CNIH3: variants seen among roughly 807,000 people sequenced by gnomAD.
CNIH3 encodes cornichon family AMPA receptor auxiliary protein 3, also known as protein cornichon homolog 3.
CNIH3 carries 14 observed loss-of-function variants against 24.1 expected under a neutral mutation model. That is an observed-to-expected ratio of 0.58 (90% CI 0.38 to 0.91). The LOEUF (loss-of-function observed/expected upper bound fraction) is 0.91, where lower values mean the gene tolerates loss of function less well. Among genes scored for constraint, CNIH3 ranks in the 40% least tolerant of loss-of-function variants. The pLI is 0.00. For synonymous variants in CNIH3, 68 were observed against 73.8 expected (o/e 0.92, Z 0.40); for missense variants, 178 against 196.8 (o/e 0.90, Z 0.57).
intron 3 of CNIH3, among the ~76,000 whole-genome samples, chr1:224,700,809 G>A (rs973964089): frequency 1.3e-5 from 2 of 152,184 alleles, no homozygotes; most frequent in East Asian, 3.9e-4. Flanking sequence ...AACACATGTT[G>A]GACAGGGCAT....
chr1:224,648,604 G>C lies in CNIH3; in HGVS notation c.81+31349G>C, dbSNP rs370497988. Reference sequence around the variant, plus strand: ...CATTTAGGAGCAAAGCACACTGTTTGGGCTTGGGGAGTTTGCATATTGAGG... The same window carrying C: ...CATTTAGGAGCAAAGCACACTGTTTCGGCTTGGGGAGTTTGCATATTGAGG... On this transcript the variant is annotated intron_variant, in intron 1 of 5. Transcript: ENST00000272133. Among the ~76,000 whole-genome samples, 3 of 152,088 alleles carry C rather than the reference G, an allele frequency of 2.0e-5. No individual in the cohort carries two copies. In the South Asian group the frequency reaches 6.2e-4, roughly 32 times the overall value.
intron 2 of CNIH3, among the ~76,000 whole-genome samples, chr1:224,531,085 A>G (rs902171598): frequency 2.0e-5 from 3 of 152,148 alleles, no homozygotes; most frequent in Non-Finnish European, 2.9e-5. Flanking sequence ...TCTTCCTATC[A>G]TGTTGATTTG....
intron 1 of CNIH3, among the ~76,000 whole-genome samples, chr1:224,488,247 C>T (rs1235939859): frequency 1.3e-5 from 2 of 152,016 alleles, no homozygotes; most frequent in Non-Finnish European, 2.9e-5. Context: ...TTGGCTACCC[C>T]ATTCTATTTC....
chr1:224,634,319 C>T (rs1683973844), intron 1 of CNIH3, among the ~76,000 whole-genome samples: 2 of 152,188 alleles, frequency 1.3e-5, no homozygotes, highest in Non-Finnish European at 2.9e-5. Context: ...CGTGGTGGCT[C>T]ACGCACTTTG....
chr1:224,543,171 C>A (rs755067724), intron 2 of CNIH3, among the ~76,000 whole-genome samples: 2 of 152,048 alleles, frequency 1.3e-5, no homozygotes. Context: ...GCCTGGGTAA[C>A]GAAATTCTAA....
intron 1 of CNIH3, among the ~76,000 whole-genome samples, chr1:224,627,792 G>A (rs1164101338): frequency 9.9e-5 from 15 of 152,188 alleles, no homozygotes; most frequent in Admixed American, 9.2e-4. Context: ...AGAGGGAATG[G>A]CTTCTCTCTC....
intron 1 of CNIH3, among the ~76,000 whole-genome samples, chr1:224,457,511 ATTTT>A (rs943521801): frequency 2.7e-5 from 3 of 111,214 alleles, no homozygotes; most frequent in Non-Finnish European, 3.6e-5. Flanking sequence ...TGGTCTGGGG[ATTTT>A]TTTTTTTTTT....
chr1:224,668,662 A>G (rs1162047219), intron 1 of CNIH3, among the ~76,000 whole-genome samples: 4 of 152,152 alleles, frequency 2.6e-5, no homozygotes. Context: ...AGGACACTGG[A>G]CCAGAAGAAG....
intron 3 of CNIH3, among the ~76,000 whole-genome samples, chr1:224,599,035 T>G (rs1367364012): frequency 6.6e-6 from 1 of 152,226 alleles, no homozygotes; most frequent in East Asian, 1.9e-4. Flanking sequence ...AGTGGGACCA[T>G]AAATCTGGAC....
intron 1 of CNIH3, among the ~76,000 whole-genome samples, chr1:224,486,965 C>T (rs368186617): frequency 2.6e-5 from 4 of 152,244 alleles, no homozygotes; most frequent in East Asian, 1.9e-4. Context: ...AAAACACTGA[C>T]GAAAGTCACG....
intron 1 of CNIH3, among the ~76,000 whole-genome samples, chr1:224,639,677 A>AG (rs200059588): frequency 0.011 from 1,634 of 152,292 alleles, 29 homozygotes; most frequent in African/African-American, 0.037. Flanking sequence ...ACCTCAGATA[A>AG]GGGGGAACTG....
intron 1 of CNIH3, among the ~76,000 whole-genome samples, chr1:224,649,671 G>T (rs1684774528): frequency 6.6e-6 from 1 of 152,136 alleles, no homozygotes. Context: ...GAAACTTGGG[G>T]AAAACTTTGC....
At chr1:224,442,993 C>T (rs6426126) in intron 1 of CNIH3, among the ~76,000 whole-genome samples, 43,222 of 151,984 alleles carry the variant, frequency 0.28, 7,653 homozygotes, top group African/African-American at 0.49. Context: ...GTAAGTAAGC[C>T]CATTAGGGAC....
chr1:224,577,201 A>G (rs1190124540), intron 4 of CNIH3, among the ~76,000 whole-genome samples: 1 of 152,238 alleles, frequency 6.6e-6, no homozygotes, highest in Non-Finnish European at 1.5e-5. Flanking sequence ...ACAAAGATAA[A>G]TAGATGGGAC....
chr1:224,613,218 C>T (rs770535090), upstream of CNIH3, among the ~76,000 whole-genome samples: 55 of 151,954 alleles, frequency 3.6e-4, no homozygotes, highest in Non-Finnish European at 6.2e-4. Flanking sequence ...CCAAGATGAT[C>T]GCGAACTCCT....
chr1:224,602,807 C>T (rs1370877374), intron 3 of CNIH3, among the ~76,000 whole-genome samples: 1 of 152,134 alleles, frequency 6.6e-6, no homozygotes, highest in East Asian at 1.9e-4. Context: ...GAGGTGGCAA[C>T]TTCGGGAAAG....
At chr1:224,494,434 T>C (rs1470753783) in intron 1 of CNIH3, among the ~76,000 whole-genome samples, 2 of 152,096 alleles carry the variant, frequency 1.3e-5, no homozygotes, top group African/African-American at 4.8e-5. Context: ...CATCTTGTGT[T>C]CCCCCTCAGC....
At position 224,734,023 on chromosome 1, in the gene CNIH3, C is replaced by T. The variant is rs145594931; in HGVS notation, c.312-540C>T. ...TACGTTCTTTCACTCACCCAGCTGC[C>T]GTCCAGGGCACGCTGTCTCCCGACA... On this transcript the variant is annotated intron_variant, in intron 4 of 5. Coordinates refer to ENST00000272133, the MANE Select transcript of CNIH3 (RefSeq NM_152495.2). Among the ~76,000 whole-genome samples, 367 of 152,328 alleles carry T rather than the reference C, an allele frequency of 2.4e-3. 2 individuals are homozygous for T. The highest frequency in any genetic ancestry group is 3.9e-3 in the Non-Finnish European group (268 of 68,032).
intron 3 of CNIH3, among the ~76,000 whole-genome samples, chr1:224,551,892 G>T (rs1436053364): frequency 6.6e-6 from 1 of 150,474 alleles, no homozygotes; most frequent in East Asian, 2.0e-4. Context: ...AATATCTAAG[G>T]GAGTTATACT....
Sources: gnomAD v4.1 joint callset for allele counts (sites outside exome capture counted in the v4.1 genomes callset) on GRCh38, gnomAD v4.1.1 for gene constraint, MANE v1.5 for transcripts, NCBI Gene and HGNC (gene_info 2026-07-23, HGNC 2026-07-21) for gene names.